SPP1: variants seen among roughly 807,000 people sequenced by gnomAD.
SPP1 encodes the protein osteopontin.
In SPP1, 18 loss-of-function variants were observed where a neutral mutation model predicts 20.8. The ratio of observed to expected loss-of-function variants is 0.87; its 90% CI spans 0.60 to 1.29. SPP1 has a LOEUF of 1.29. SPP1 is among the 50% of genes most tolerant of loss of function. The probability of loss-of-function intolerance (pLI) is 0.00; values close to 1 mark genes in which losing one functional copy is unlikely to be tolerated. For synonymous variants in SPP1, 146 were observed against 141.5 expected, an observed-to-expected ratio of 1.03 and a Z score of -0.23; for missense variants, 363 against 389.0, an observed-to-expected ratio of 0.93 and a Z score of 0.56.
chr4:87,982,488 TC>T lies in SPP1; in HGVS notation c.541-3del. 1 of 1,611,470 alleles carries T rather than the reference TC, an allele frequency of 6.2e-7. No homozygotes were observed. Among genetic ancestry groups the T allele is most frequent in the Non-Finnish European group, 8.5e-7 (1 of 1,178,062 alleles). ...AATTATTCTTCATTTGTGCCGTGAT[TC>T]AGTACCCTGATGCTACAGACGAGGA... On this transcript the variant is annotated splice_polypyrimidine_tract_variant and splice_region_variant and intron_variant, in intron 6 of 6. Coordinates refer to ENST00000395080, the MANE Select transcript of SPP1 (RefSeq NM_001040058.2).
intron 4 of SPP1, 123 bp from the exon 5 acceptor site, chr4:87,980,270 T>C: frequency 1.4e-6 from 2 of 1,468,872 alleles, no homozygotes; most frequent in Non-Finnish European, 1.9e-6. Context: ...GGCTTCTCTC[T>C]GTGTTAAGCC....
chr4:87,977,481 A>G (rs1339349135), intron 3 of SPP1, among the ~76,000 whole-genome samples: 4 of 152,226 alleles, frequency 2.6e-5, no homozygotes, highest in African/African-American at 9.6e-5. Flanking sequence ...GATATTAGTC[A>G]GAACTGTTTG....
chr4:87,978,640 C>T (rs1462112341), intron 3 of SPP1, among the ~76,000 whole-genome samples: 1 of 152,076 alleles, frequency 6.6e-6, no homozygotes, highest in Non-Finnish European at 1.5e-5. Flanking sequence ...CCTTGGCCTC[C>T]CAAAGTGCTG....
At chr4:87,981,874 T>TCATTCATTCATC in intron 6 of SPP1, 76 bp downstream of exon 6, 1 of 1,228,686 alleles carries the variant, frequency 8.1e-7, no homozygotes. Context: ...GCATATTCAT[T>TCATTCATTCATC]CATTCATTCA....
rs1725404379 is a variant in SPP1, at chr4:87,976,962, G to A, written c.54+13G>A. 1.9e-6 allele frequency: 3 copies of A among 1,613,606 alleles called. No individual in the cohort carries two copies. Among genetic ancestry groups the A allele is most frequent in the South Asian group, 2.2e-5 (2 of 91,072 alleles). ...CTGTGCCATACCAGTGAGTACAGTT[G>A]CATCTTAAAGAAAATTCCTGAAAAT... On this transcript the variant is annotated intron_variant, in intron 2 of 6. Transcript: ENST00000395080.
At chr4:87,977,530 CT>C (rs1267633559) in intron 3 of SPP1, 4 of 388,972 alleles carry the variant, frequency 1.0e-5, no homozygotes, top group Non-Finnish European at 1.6e-5. Context: ...GAGATATTAG[CT>C]GAGAAGCCCA....
intron 3 of SPP1, 52 bp downstream of exon 3, chr4:87,977,149 G>A (rs758530578): frequency 2.5e-5 from 39 of 1,557,732 alleles, no homozygotes; most frequent in African/African-American, 2.0e-4. Flanking sequence ...CAATTATGGC[G>A]AGAGGTGCAA....
chr4:87,978,706 G>A (rs1725515072), intron 3 of SPP1, among the ~76,000 whole-genome samples: 1 of 152,018 alleles, frequency 6.6e-6, no homozygotes, highest in Non-Finnish European at 1.5e-5. Flanking sequence ...TTAAAGCAAG[G>A]AACCCCTTCT....
rs1725398200 is a variant in SPP1 at position 87,976,868 on chromosome 4, G to A, written c.-14-14G>A. 6.2e-7 allele frequency: 1 copy of A among 1,607,716 alleles called. No homozygotes were observed. Among genetic ancestry groups the A allele is most frequent in the South Asian group, 1.1e-5 (1 of 90,872 alleles). On this transcript the variant is annotated splice_polypyrimidine_tract_variant and intron_variant, in intron 1 of 6. Coordinates refer to ENST00000395080, the MANE Select transcript of SPP1 (RefSeq NM_001040058.2). ...TATGAAGATGTCAGCTATTCCTTAT[G>A]AAATATTTTGCAGGAAAACTCACTA...
intron 6 of SPP1, 69 bp downstream of exon 6, chr4:87,981,867 T>TATTCATTC: frequency 1.5e-6 from 2 of 1,314,042 alleles, no homozygotes; most frequent in Non-Finnish European, 2.1e-6. Flanking sequence ...ACAGTTTGCA[T>TATTCATTC]ATTCATTCAT....
intron 3 of SPP1, among the ~76,000 whole-genome samples, chr4:87,977,468 T>C (rs954089204): frequency 1.3e-5 from 2 of 152,218 alleles, no homozygotes; most frequent in African/African-American, 4.8e-5. Context: ...AAAATTCACA[T>C]TGGATATTAG....
chr4:87,981,972 G>A (rs561845698), intron 6 of SPP1, among the ~76,000 whole-genome samples, 174 bp downstream of exon 6: 1 of 151,950 alleles, frequency 6.6e-6, no homozygotes, highest in African/African-American at 2.4e-5. Context: ...GGCGGTTTTT[G>A]TAAGTCTACA....
chr4:87,981,898 C>A, intron 6 of SPP1, 100 bp downstream of exon 6: 2 of 1,040,808 alleles, frequency 1.9e-6, no homozygotes, highest in Non-Finnish European at 2.8e-6. Context: ...ATTCATTCAT[C>A]CATTCAGCAA....
At chr4:87,977,949 T>G (rs1308903316) in intron 3 of SPP1, 7 of 792,104 alleles carry the variant, frequency 8.8e-6, no homozygotes, top group Non-Finnish European at 9.7e-6. Flanking sequence ...CCAGAAAAAT[T>G]AACATCTCCA....
At chr4:87,981,097 T>A (rs990923380) in intron 5 of SPP1, among the ~76,000 whole-genome samples, 21 of 152,200 alleles carry the variant, frequency 1.4e-4, no homozygotes, top group African/African-American at 4.8e-4. Context: ...ATAAATCTCA[T>A]TTCAAATAAA....
intron 6 of SPP1, 69 bp downstream of exon 6, chr4:87,981,867 TATTC>T (rs983188235): frequency 8.1e-5 from 107 of 1,313,386 alleles, no homozygotes; most frequent in Admixed American, 1.0e-4. Context: ...ACAGTTTGCA[TATTC>T]ATTCATTCAT....
At position 87,982,837 on chromosome 4, in the gene SPP1, A is replaced by G. The variant is rs1285319678; in HGVS notation, c.886A>G (p.Lys296Glu). 1 of 1,614,200 alleles carries G rather than the reference A, an allele frequency of 6.2e-7. No individual in the cohort carries two copies. Among genetic ancestry groups the G allele is most frequent in the South Asian group, 1.1e-5 (1 of 91,076 alleles). The change falls in exon 7 of 7, where the codon AAA becomes GAA. Residue 296 changes from lysine (K) to glutamate (E), a missense_variant. Physicochemically the swap from Lys to Glu is moderately conservative, Grantham distance 56. Coordinates refer to ENST00000395080, the MANE Select transcript of SPP1 (RefSeq NM_001040058.2). ...VVDPKSKEED[K>E]HLKFRISHEL... The stretch of plus-strand genomic sequence containing the variant: ...AGACCCCAAAAGTAAGGAAGAAGAT[A>G]AACACCTGAAATTTCGTATTTCTCA...
rs1725393944 is a variant in SPP1 at position 87,976,780 on chromosome 4, A to C, written c.-14-102A>C. On this transcript the variant is annotated intron_variant, in intron 1 of 6. Coordinates refer to ENST00000395080, the MANE Select transcript of SPP1 (RefSeq NM_001040058.2). ...AAGAAGTAGAAAAGATTCTATAGAAAATATATTTTATTTGTGATCATTTTG... is the reference window on the plus strand; with the variant it reads ...AAGAAGTAGAAAAGATTCTATAGAACATATATTTTATTTGTGATCATTTTG... 5.4e-6 allele frequency: 4 copies of C among 739,400 alleles called. No individual in the cohort carries two copies. The South Asian group carries it at 7.1e-5, about 13-fold the overall frequency. The allele number at this position is 739,400 out of a possible 1,614,324, so 45.8% of individuals were successfully genotyped here.
At chr4:87,979,374 T>C (rs768585437) in intron 3 of SPP1, among the ~76,000 whole-genome samples, 36 of 151,852 alleles carry the variant, frequency 2.4e-4, no homozygotes, top group Non-Finnish European at 4.1e-4. Flanking sequence ...GGGGTTTCAC[T>C]GTGTTAGCCA....
Sources: gnomAD v4.1 joint callset for allele counts (sites outside exome capture counted in the v4.1 genomes callset) on GRCh38, gnomAD v4.1.1 for gene constraint, MANE v1.5 for transcripts, NCBI Gene and HGNC (gene_info 2026-07-23, HGNC 2026-07-21) for gene names.